Variants in LCA5 observed in about 807,000 individuals in gnomAD.
LCA5 encodes the protein lebercilin.
LCA5 carries 37 observed loss-of-function variants against 53.0 expected under a neutral mutation model. That is an observed-to-expected ratio of 0.70 (90% CI 0.54 to 0.92). The LOEUF (loss-of-function observed/expected upper bound fraction) is 0.92, where lower values mean the gene tolerates loss of function less well. Among genes scored for constraint, LCA5 ranks in the 40% least tolerant of loss-of-function variants. LCA5 has a pLI of 0.00. For missense variants in LCA5, 806 were observed against 790.5 expected (o/e 1.02, Z -0.23); for synonymous variants, 303 against 282.9 (o/e 1.07, Z -0.71).
rs1293827494 is a variant in LCA5 at position 79,485,799 on chromosome 6, C to T, written c.*1205G>A. 1 of 152,120 alleles carries T rather than the reference C, an allele frequency of 6.6e-6. No homozygotes were observed. Among genetic ancestry groups the T allele is most frequent in the African/African-American group, 2.4e-5 (1 of 41,426 alleles). The allele number at this position is 152,120 out of a possible 1,614,324, so 9.4% of individuals were successfully genotyped here. A position where few individuals can be genotyped will look rare whatever the true frequency, so the allele number is the denominator to read the frequency against. On this transcript the variant is annotated 3_prime_UTR_variant, in exon 8 of 8. Transcript: ENST00000369846. ...TCTTCCCAACACACTATTTCCACCA[C>T]TCTTCATTTTAACAATGTTTTCTCC...
At chr6:79,531,387 G>A (rs1337100273) in intron 1 of LCA5, among the ~76,000 whole-genome samples, 3 of 152,160 alleles carry the variant, frequency 2.0e-5, no homozygotes, top group Non-Finnish European at 4.4e-5. Flanking sequence ...CAATGAAGAG[G>A]TGCTAATGAA....
At chr6:79,509,723 T>G (rs1379098730) in intron 3 of LCA5, among the ~76,000 whole-genome samples, 2 of 152,130 alleles carry the variant, frequency 1.3e-5, no homozygotes, top group Non-Finnish European at 2.9e-5. Flanking sequence ...TCAAAAGTAA[T>G]TTTCTAATTC....
At chr6:79,490,573 G>A (rs1218051875) in intron 6 of LCA5, among the ~76,000 whole-genome samples, 1 of 151,970 alleles carries the variant, frequency 6.6e-6, no homozygotes, top group Non-Finnish European at 1.5e-5. Context: ...TCCTCACTTT[G>A]TGATTTCAAA....
chr6:79,514,468 C>T (rs1230823629), intron 2 of LCA5, among the ~76,000 whole-genome samples: 2 of 152,026 alleles, frequency 1.3e-5, no homozygotes, highest in Admixed American at 1.3e-4. Context: ...TTCCTAAGAC[C>T]TAAAGTCAGA....
intron 1 of LCA5, among the ~76,000 whole-genome samples, chr6:79,522,163 C>A (rs928747916): frequency 2.0e-5 from 3 of 151,808 alleles, no homozygotes; most frequent in Non-Finnish European, 4.4e-5. Flanking sequence ...CTGAAAATAA[C>A]AAAATATTAG....
chr6:79,537,276 G>A lies in LCA5; in HGVS notation c.-303C>T, dbSNP rs1329634246. 6.5e-6 allele frequency: 1 copy of A among 153,016 alleles called. No homozygotes were observed. Among genetic ancestry groups the A allele is most frequent in the Non-Finnish European group, 1.5e-5 (1 of 68,660 alleles). 9.5% of individuals were successfully genotyped at this position (153,016 alleles called of 1,614,324 possible). A position where few individuals can be genotyped will look rare whatever the true frequency, so the allele number is the denominator to read the frequency against. ...TCGGCGTCTGACCGCCAAAGAGCGG[G>A]TGCCTGGTTCCTGCGGAGGCTGCCG... is the stretch of plus-strand genomic sequence containing the variant. On this transcript the variant is annotated 5_prime_UTR_variant, in exon 1 of 8. Transcript: ENST00000369846.
intron 3 of LCA5, among the ~76,000 whole-genome samples, chr6:79,501,612 A>G (rs1478346838): frequency 6.6e-6 from 1 of 151,816 alleles, no homozygotes; most frequent in Non-Finnish European, 1.5e-5. Flanking sequence ...TACTGAATTT[A>G]CTATATAGTA....
intron 1 of LCA5, among the ~76,000 whole-genome samples, chr6:79,535,234 T>C (rs1767077164): frequency 6.6e-6 from 1 of 152,064 alleles, no homozygotes; most frequent in Non-Finnish European, 1.5e-5. Flanking sequence ...TGGAAGATAA[T>C]ATCACAAGAA....
chr6:79,502,280 CTA>C (rs1484519562), intron 3 of LCA5, among the ~76,000 whole-genome samples: 2 of 152,148 alleles, frequency 1.3e-5, no homozygotes, highest in African/African-American at 4.8e-5. Context: ...AATGAGCTAT[CTA>C]TGTCTTACTA....
Position 79,518,857 on chromosome 6 carries a change from T to C in LCA5, c.38A>G (p.Glu13Gly), listed in dbSNP as rs186642323. Residue 13 changes from glutamate (E) to glycine (G), a missense_variant, in exon 2 of 8, where the codon GAA becomes GGA. Transcript: ENST00000369846. ...ATAATGGTGTTTGCCTGCCTTTCTT[T>C]CTTGATCAGTACCTGGACTTCCTGC... The part of the protein sequence containing the change: ...ERAGSPGTDQ[E>G]RKAGKHHYSY... The C allele has an allele frequency of 5.6e-5, 91 of 1,614,166 alleles. 1 individual carries two copies. The African/African-American group carries it at 9.3e-4, about 17-fold the overall frequency.
chr6:79,530,260 C>T (rs1201072914), intron 1 of LCA5, among the ~76,000 whole-genome samples: 1 of 151,906 alleles, frequency 6.6e-6, no homozygotes, highest in Non-Finnish European at 1.5e-5. Flanking sequence ...AACAAAGCAA[C>T]AGAAAACCAA....
At chr6:79,520,072 T>C (rs1766582833) in intron 1 of LCA5, among the ~76,000 whole-genome samples, 1 of 152,150 alleles carries the variant, frequency 6.6e-6, no homozygotes, top group South Asian at 2.1e-4. Context: ...TTAATTATGC[T>C]TTAACCTTTG....
Position 79,489,293 on chromosome 6 carries a change from T to G in LCA5, c.1099-77A>C. 2.9e-6 allele frequency: 4 copies of G among 1,386,074 alleles called. No individual in the cohort carries two copies. In the South Asian group the frequency reaches 4.8e-5, roughly 17 times the overall value. The allele number at this position is 1,386,074 out of a possible 1,614,324, so 85.9% of individuals were successfully genotyped here. A position where few individuals can be genotyped will look rare whatever the true frequency, so the allele number is the denominator to read the frequency against. ...AACTAAGCAACACAGATTTATCCATTAAACATGATTACCAACTAAGTTAAA... is the reference window on the plus strand; with the variant it reads ...AACTAAGCAACACAGATTTATCCATGAAACATGATTACCAACTAAGTTAAA... On this transcript the variant is annotated intron_variant, in intron 6 of 7. Transcript: ENST00000369846.
At chr6:79,527,102 C>T (rs1015528579) in intron 1 of LCA5, among the ~76,000 whole-genome samples, 2 of 152,048 alleles carry the variant, frequency 1.3e-5, no homozygotes, top group African/African-American at 4.8e-5. Context: ...CAAGCTCCAC[C>T]CAAGCTGGGA....
At position 79,519,040 on chromosome 6, in the gene LCA5, G is replaced by T; in HGVS notation, c.-146C>A. Reference sequence around the variant, plus strand: ...AATCTATTTTCTCCACAATGTATTTGTAGACCACAATTCACATTGGCATCC... The same window carrying T: ...AATCTATTTTCTCCACAATGTATTTTTAGACCACAATTCACATTGGCATCC... On this transcript the variant is annotated 5_prime_UTR_variant, in exon 2 of 8. Coordinates refer to ENST00000369846, the MANE Select transcript of LCA5 (RefSeq NM_001122769.3). 1 of 892,560 alleles carries T rather than the reference G, an allele frequency of 1.1e-6. No homozygotes were observed. The highest frequency in any genetic ancestry group is 1.8e-6 in the Non-Finnish European group (1 of 548,282). The allele number at this position is 892,560 out of a possible 1,614,324, so 55.3% of individuals were successfully genotyped here.
At chr6:79,527,827 G>A (rs1214957760) in intron 1 of LCA5, among the ~76,000 whole-genome samples, 1 of 152,132 alleles carries the variant, frequency 6.6e-6, no homozygotes, top group Non-Finnish European at 1.5e-5. Context: ...AGACCCCCTA[G>A]GGCAATTCGT....
rs1187346232 is a variant in LCA5, at chr6:79,485,442, T to TATAC, written c.*1558_*1561dup. On this transcript the variant is annotated 3_prime_UTR_variant, in exon 8 of 8. Transcript: ENST00000369846. ...TTTGCAACATATTATAGTAAATGGT[T>TATAC]ATACATATCAGACATACAAATCTAT... is the stretch of plus-strand genomic sequence containing the variant. The TATAC allele has an allele frequency of 6.6e-6, 1 of 152,592 alleles. No homozygotes were observed. Among genetic ancestry groups the TATAC allele is most frequent in the Non-Finnish European group, 1.5e-5 (1 of 68,008 alleles). The allele number at this position is 152,592 out of a possible 1,614,324, so 9.5% of individuals were successfully genotyped here.
In LCA5 at chr6:79,487,131, C is replaced by G. The variant is rs1875845; in HGVS notation, c.1967G>C (p.Gly656Ala). Residue 656 changes from glycine (G) to alanine (A), a missense_variant, in exon 8 of 8, where the codon GGC (glycine) becomes GCC (alanine). Transcript: ENST00000369846. ...ACTTCTTCCTTCACTGAGGAAAAAG[C>G]CTTCATCTTCATCATGTTCTTGATC... ...SRDQEHDEDEGFFLSEGRSFN... is the reference protein window; with the variant it reads ...SRDQEHDEDEAFFLSEGRSFN... 5 of 1,612,776 alleles carry G rather than the reference C, an allele frequency of 3.1e-6. No homozygotes were observed. The highest frequency in any genetic ancestry group is 1.3e-5 in the African/African-American group (1 of 74,770).
chr6:79,491,049 C>CAAAAAA (rs35640934), intron 6 of LCA5, among the ~76,000 whole-genome samples: 1 of 146,012 alleles, frequency 6.8e-6, no homozygotes. Flanking sequence ...TATAGAGGAC[C>CAAAAAA]AAAAAAAAAA....
Sources: allele counts gnomAD v4.1 joint callset (sites outside exome capture counted in the v4.1 genomes callset), GRCh38; gene constraint gnomAD v4.1.1; transcripts MANE v1.5; gene names NCBI Gene and HGNC (gene_info 2026-07-23, HGNC 2026-07-21).